Variants in DRAXIN observed in about 807,000 individuals in gnomAD.
DRAXIN encodes dorsal repulsive axon guidance protein.
In DRAXIN, 27 loss-of-function variants were observed where a neutral mutation model predicts 33.9. The ratio of observed to expected loss-of-function variants is 0.80; its 90% confidence interval spans 0.59 to 1.10. The LOEUF is 1.10. DRAXIN is among the 50% of genes least tolerant of loss of function. DRAXIN has a pLI of 0.00. For synonymous variants in DRAXIN, 178 were observed against 194.0 expected (o/e 0.92, Z 0.69); for missense variants, 371 against 460.8 (o/e 0.81, Z 1.78).
In DRAXIN at chr1:11,706,315, C is replaced by G; in HGVS notation, c.57C>G (p.Pro19=). 1 of 1,613,572 alleles carries G rather than the reference C, an allele frequency of 6.2e-7. No homozygotes were observed. Among genetic ancestry groups the G allele is most frequent in the Non-Finnish European group, 8.5e-7 (1 of 1,179,908 alleles). Residue 19 remains proline (P), a synonymous_variant, in exon 2 of 7, where the codon CCC becomes CCG. Coordinates refer to ENST00000294485, the MANE Select transcript of DRAXIN (RefSeq NM_198545.4). This position sits in a 1 kb window ranked among gnomAD's most constrained non-coding sequence, Gnocchi z 5.5. ...APMLFLVLLL[P]LELSLAGALA... ...TGCTGTTCCTCGTCCTCCTGCTGCC[C>G]CTGGAGCTGAGCCTGGCAGGCGCCC...
In DRAXIN at chr1:11,700,904, G is replaced by A. The variant is rs112684602; in HGVS notation, c.-10-5345G>A. On this transcript the variant is annotated intron_variant, in intron 1 of 6. Transcript: ENST00000294485. ...GACAGCTGTCCCGAGAAGCCTGGTG[G>A]CCGAGCTCCACAGTTGTCCCTCAGG... 1.4e-4 allele frequency among the ~76,000 whole-genome samples: 21 copies of A among 152,318 alleles called. 2 individuals are homozygous for A. Among genetic ancestry groups the A allele is most frequent in the African/African-American group, 4.8e-4 (20 of 41,572 alleles).
At chr1:11,715,758 A>G (rs560712489) in intron 6 of DRAXIN, among the ~76,000 whole-genome samples, 10 of 152,148 alleles carry the variant, frequency 6.6e-5, no homozygotes, top group Admixed American at 3.3e-4. Context: ...AATCCCCATG[A>G]CCACCCCTAG....
intron 2 of DRAXIN, among the ~76,000 whole-genome samples, chr1:11,707,929 G>A (rs543891572): frequency 1.8e-4 from 28 of 152,334 alleles, no homozygotes; most frequent in Non-Finnish European, 2.9e-4. Flanking sequence ...GGGACATGCC[G>A]AGTGCCACAA....
At position 11,692,309 on chromosome 1, in the gene DRAXIN, A is replaced by G. The variant is rs1266731649; in HGVS notation, c.-11+456A>G. On this transcript the variant is annotated intron_variant, in intron 1 of 6. Coordinates refer to ENST00000294485, the MANE Select transcript of DRAXIN (RefSeq NM_198545.4). The surrounding 1 kb of genome is among the most constrained non-coding windows in gnomAD (Gnocchi z 5.8). ...CCGCCACCGTTGGAAGAAGTCTTCG[A>G]AGACTCCCTGAGCCCCGGGCAGAGC... is the stretch of plus-strand genomic sequence containing the variant. 6.6e-6 allele frequency among the ~76,000 whole-genome samples: 1 copy of G among 152,012 alleles called. No homozygotes were observed. Among genetic ancestry groups the G allele is most frequent in the East Asian group, 1.9e-4 (1 of 5,162 alleles).
chr1:11,697,257 C>T (rs1351906395), intron 1 of DRAXIN, among the ~76,000 whole-genome samples: 1 of 152,176 alleles, frequency 6.6e-6, no homozygotes, highest in Non-Finnish European at 1.5e-5. Context: ...TGGGCCTCCA[C>T]CTCTCATTAA....
intron 5 of DRAXIN, 68 bp downstream of exon 5, chr1:11,712,497 G>T: frequency 6.6e-7 from 1 of 1,521,562 alleles, no homozygotes; most frequent in Non-Finnish European, 9.1e-7. Flanking sequence ...TGGGAGTGGG[G>T]GTTCCCACAT....
chr1:11,709,206 G>C (rs1266484121), intron 2 of DRAXIN, 69 bp from the exon 3 acceptor site: 8 of 1,465,922 alleles, frequency 5.5e-6, no homozygotes, highest in Non-Finnish European at 7.3e-6. Flanking sequence ...ATAAAACGTG[G>C]GTTCTACTGT....
intron 6 of DRAXIN, among the ~76,000 whole-genome samples, chr1:11,718,533 G>A (rs554222902): frequency 1.3e-5 from 2 of 152,298 alleles, no homozygotes; most frequent in East Asian, 3.9e-4. Context: ...GTGCAACCAA[G>A]GCGCACTGCA....
At chr1:11,714,896 C>A (rs1313068651) in intron 5 of DRAXIN, among the ~76,000 whole-genome samples, 1 of 152,112 alleles carries the variant, frequency 6.6e-6, no homozygotes, top group Non-Finnish European at 1.5e-5. Context: ...TCAATCAGTA[C>A]CCCATCTGAG....
At chr1:11,709,538 A>C (rs1641444824) in intron 3 of DRAXIN, 73 bp downstream of exon 3, 7 of 1,473,830 alleles carry the variant, frequency 4.7e-6, no homozygotes, top group African/African-American at 1.4e-5. Context: ...CTCTTAATAC[A>C]TGTAGGGAGA....
chr1:11,719,865 G>C lies in DRAXIN; in HGVS notation c.*169G>C. The C allele has an allele frequency of 1.6e-6, 1 of 638,628 alleles. No individual in the cohort carries two copies. The highest frequency in any genetic ancestry group is 1.8e-5 in the South Asian group (1 of 54,722). 39.6% of individuals were successfully genotyped at this position (638,628 alleles called of 1,614,324 possible). On this transcript the variant is annotated 3_prime_UTR_variant, in exon 7 of 7. Coordinates refer to ENST00000294485, the MANE Select transcript of DRAXIN (RefSeq NM_198545.4). ...GCCGCTCGGCGAATGAGCTGGGTGG[G>C]TGCCCAGGAGCCGGCCCGCAGCACC...
chr1:11,698,994 G>C (rs1299643754), intron 1 of DRAXIN, among the ~76,000 whole-genome samples: 1 of 152,166 alleles, frequency 6.6e-6, no homozygotes, highest in Admixed American at 6.5e-5. Context: ...GGGAGTATCC[G>C]GAAGGGAAGA....
At chr1:11,708,001 G>C (rs376563948) in intron 2 of DRAXIN, among the ~76,000 whole-genome samples, 2 of 152,210 alleles carry the variant, frequency 1.3e-5, no homozygotes, top group Admixed American at 6.5e-5. Flanking sequence ...ACCCCTTCTC[G>C]TGCAAACAGC....
At chr1:11,698,845 ACT>A (rs1641230388) in intron 1 of DRAXIN, among the ~76,000 whole-genome samples, 2 of 152,088 alleles carry the variant, frequency 1.3e-5, no homozygotes, top group Non-Finnish European at 2.9e-5. Context: ...GCAGAGCAAG[ACT>A]CTGTCTACAA....
intron 3 of DRAXIN, among the ~76,000 whole-genome samples, chr1:11,710,595 C>T (rs1006188180): frequency 1.7e-4 from 26 of 151,998 alleles, no homozygotes; most frequent in African/African-American, 3.1e-4. Flanking sequence ...CTGACCGCAT[C>T]GTTCTTGCAC....
rs1641197177 is a variant in DRAXIN, at chr1:11,696,667, A to C, written c.-11+4814A>C. ...CAAGAGATCGAGAACATCCTAATCA[A>C]CACGGTGAAACTCTGTCTGTACTAA... is the stretch of plus-strand genomic sequence containing the variant. On this transcript the variant is annotated intron_variant, in intron 1 of 6. Coordinates refer to ENST00000294485, the MANE Select transcript of DRAXIN (RefSeq NM_198545.4). The surrounding 1 kb of genome is among the most constrained non-coding windows in gnomAD (Gnocchi z 4.7). 6.6e-6 allele frequency among the ~76,000 whole-genome samples: 1 copy of C among 151,990 alleles called. No individual in the cohort carries two copies. The highest frequency in any genetic ancestry group is 2.4e-5 in the African/African-American group (1 of 41,372).
chr1:11,715,357 A>C lies in DRAXIN; in HGVS notation c.937+149A>C, dbSNP rs892531437. 9 of 911,016 alleles carry C rather than the reference A, an allele frequency of 9.9e-6. No individual in the cohort carries two copies. In the Admixed American group the frequency reaches 1.5e-4, roughly 16 times the overall value. 56.4% of individuals were successfully genotyped at this position (911,016 alleles called of 1,614,324 possible). A position where few individuals can be genotyped will look rare whatever the true frequency, so the allele number is the denominator to read the frequency against. On this transcript the variant is annotated intron_variant, in intron 6 of 6. Transcript: ENST00000294485. ...CTGCGGCGGGGGTGTAGGTGGGAGA[A>C]TCCCTCGGGAGCCGAAGACGTGAGC... is the stretch of plus-strand genomic sequence containing the variant.
At chr1:11,709,561 G>T (rs943813264) in intron 3 of DRAXIN, 96 bp downstream of exon 3, 24 of 1,370,240 alleles carry the variant, frequency 1.8e-5, no homozygotes, top group Non-Finnish European at 2.3e-5. Flanking sequence ...GAGGCACGGG[G>T]GCAGGAGGCC....
At chr1:11,697,951 C>T (rs1641216375) in intron 1 of DRAXIN, among the ~76,000 whole-genome samples, 1 of 152,156 alleles carries the variant, frequency 6.6e-6, no homozygotes, top group Non-Finnish European at 1.5e-5. Flanking sequence ...ATCAACGCAC[C>T]AGTATGCCAG....
Sources: gnomAD v4.1 joint callset for allele counts (sites outside exome capture counted in the v4.1 genomes callset) on GRCh38, gnomAD v4.1.1 for gene constraint, Gnocchi (gnomAD v3.1) non-coding constraint, MANE v1.5 for transcripts, NCBI Gene and HGNC (gene_info 2026-07-23, HGNC 2026-07-21) for gene names.